The following NUDC variants were observed in gnomAD, a reference collection of about 807,000 sequenced individuals.
The protein encoded by NUDC is nuclear distribution C, dynein complex regulator, also known as nuclear migration protein nudC.
In NUDC, 14 loss-of-function variants were observed where a neutral mutation model predicts 45.0. The ratio of observed to expected loss-of-function variants is 0.31; its 90% CI spans 0.21 to 0.49. NUDC has a LOEUF of 0.49. NUDC is among the 20% of genes least tolerant of loss of function. The pLI is 0.99. For missense variants in NUDC, 323 were observed against 426.2 expected (o/e 0.76, Z 2.13); for synonymous variants, 153 against 156.7 (o/e 0.98, Z 0.17).
intron 2 of NUDC, among the ~76,000 whole-genome samples, chr1:26,937,620 A>G (rs1328520312): frequency 6.6e-6 from 1 of 151,842 alleles, no homozygotes; most frequent in Non-Finnish European, 1.5e-5. Flanking sequence ...TCCTCAGTGC[A>G]CTAGCATTTT....
intron 2 of NUDC, among the ~76,000 whole-genome samples, chr1:26,933,203 G>A (rs1055632059): frequency 6.6e-6 from 1 of 151,662 alleles, no homozygotes; most frequent in African/African-American, 2.4e-5. Context: ...CAAAGAGCTG[G>A]GATTACAGGC....
At chr1:26,900,330 T>A in exon 1 of NUDC, 1 of 1,614,004 alleles carries the variant, frequency 6.2e-7, no homozygotes, top group Non-Finnish European at 8.5e-7. Context: ...GCCGCGCTCT[T>A]CTCGGAACTG....
At chr1:26,929,336 G>T (rs1459344670) in intron 2 of NUDC, among the ~76,000 whole-genome samples, 2 of 151,994 alleles carry the variant, frequency 1.3e-5, no homozygotes, top group Admixed American at 1.3e-4. Context: ...TACTTGGGTG[G>T]CTGAGATGGG....
intron 2 of NUDC, among the ~76,000 whole-genome samples, chr1:26,937,964 A>G (rs1434075240): frequency 6.6e-6 from 1 of 152,192 alleles, no homozygotes; most frequent in Non-Finnish European, 1.5e-5. Context: ...TAGCATTTGA[A>G]TAACAGCTAT....
intron 3 of NUDC, chr1:26,911,589 A>G: frequency 1.9e-6 from 1 of 522,700 alleles, no homozygotes. Context: ...TTTCATTCTC[A>G]TCCCAAGAAG....
intron 2 of NUDC, among the ~76,000 whole-genome samples, chr1:26,907,674 A>G (rs2082008277): frequency 6.6e-6 from 1 of 152,216 alleles, no homozygotes; most frequent in Admixed American, 6.5e-5. Flanking sequence ...TGGCAATAAA[A>G]TGGTACTCTA....
rs1314407487 is a variant in NUDC at position 26,941,609 on chromosome 1, C to G, written c.312C>G (p.Ile104Met). ...EAKSETSGPQIKELTDEEAER... is the reference protein window; with the variant it reads ...EAKSETSGPQMKELTDEEAER... ...AGTCAGAGACCTCAGGGCCCCAGAT[C>G]AAGGAGCTAACTGATGAAGAGGCAG... is the stretch of plus-strand genomic sequence containing the variant. The change falls in exon 3 of 9, where the codon ATC (isoleucine) becomes ATG (methionine). Residue 104 changes from isoleucine (I) to methionine (M), a missense_variant. Ile to Met is a conservative substitution (Grantham distance 10, BLOSUM62 1). Transcript: ENST00000321265. 2.5e-6 allele frequency: 4 copies of G among 1,612,546 alleles called. No individual in the cohort carries two copies. Among genetic ancestry groups the G allele is most frequent in the Non-Finnish European group, 2.5e-6 (3 of 1,179,330 alleles).
chr1:26,938,303 C>G (rs987504962), intron 2 of NUDC, among the ~76,000 whole-genome samples: 1 of 152,140 alleles, frequency 6.6e-6, no homozygotes, highest in Non-Finnish European at 1.5e-5. Context: ...TGCTTAACCT[C>G]CAGGAGCTAG....
Position 26,924,179 on chromosome 1 carries a change from AACC to A in NUDC, c.159+16_159+18del, listed in dbSNP as rs749579107. 1 of 1,612,118 alleles carries A rather than the reference AACC, an allele frequency of 6.2e-7. No homozygotes were observed. Among genetic ancestry groups the A allele is most frequent in the Admixed American group, 1.7e-5 (1 of 60,002 alleles). On this transcript the variant is annotated intron_variant, in intron 2 of 8. Coordinates refer to ENST00000321265, the MANE Select transcript of NUDC (RefSeq NM_006600.4). ...GATGGCAGAGAAGGTAAGTGTTGGA[AACC>A]ACTGTCCTTTGGGCGGCTCTGTCTC...
At chr1:26,926,195 A>G (rs1303894618) in intron 2 of NUDC, among the ~76,000 whole-genome samples, 4 of 152,170 alleles carry the variant, frequency 2.6e-5, no homozygotes, top group African/African-American at 9.7e-5. Context: ...TATCTTTATA[A>G]TAGACATAAA....
At position 26,943,003 on chromosome 1, in the gene NUDC, A is replaced by C; in HGVS notation, c.679A>C (p.Lys227Gln). 1 of 1,614,116 alleles carries C rather than the reference A, an allele frequency of 6.2e-7. No individual in the cohort carries two copies. The highest frequency in any genetic ancestry group is 8.5e-7 in the Non-Finnish European group (1 of 1,180,002). ...TGATGGGGAGCTCTACAATGAAGTGAAGGTGGAGGAGAGCTCGTGGCTCAT... is the reference window on the plus strand; with the variant it reads ...TGATGGGGAGCTCTACAATGAAGTGCAGGTGGAGGAGAGCTCGTGGCTCAT... ...IIDGELYNEV[K>Q]VEESSWLIED... The change falls in exon 6 of 9, where the codon AAG (lysine) becomes CAG (glutamine). Residue 227 changes from lysine (K) to glutamine (Q), a missense_variant. Lys to Gln is a moderately conservative substitution (Grantham distance 53). Around this residue, in one of 3 missense-constraint regions of NUDC, gnomAD observed 245 missense variants for 278.8 expected, o/e 0.88. Coordinates refer to ENST00000321265, the MANE Select transcript of NUDC (RefSeq NM_006600.4).
At position 26,940,888 on chromosome 1, in the gene NUDC, A is replaced by G. The variant is rs576836818; in HGVS notation, c.160-569A>G. Among the ~76,000 whole-genome samples, 225 of 151,826 alleles carry G rather than the reference A, an allele frequency of 1.5e-3. 2 individuals carry two copies. Among genetic ancestry groups the G allele is most frequent in the South Asian group, 0.013 (63 of 4,818 alleles). On this transcript the variant is annotated intron_variant, in intron 2 of 8. Transcript: ENST00000321265. ...TTGTTAGTAGAGACGGGGTTTCACC[A>G]TGTTGGCCAGATTAGTCTCCAATTC...
At chr1:26,913,594 C>T (rs771150341) in intron 3 of NUDC, 10 of 1,614,066 alleles carry the variant, frequency 6.2e-6, no homozygotes, top group Non-Finnish European at 8.5e-6. Flanking sequence ...CTTGAGTATG[C>T]TGGGCACCGG....
rs1451833228 is a variant in NUDC, at chr1:26,941,674, T to G, written c.363+14T>G. On this transcript the variant is annotated intron_variant, in intron 3 of 8. Transcript: ENST00000321265. ...GAGATTGACCAGGTGAAGGGTGGGCTTCCCTTCTCCACCCCTCAGATCCCC... is the reference window on the plus strand; with the variant it reads ...GAGATTGACCAGGTGAAGGGTGGGCGTCCCTTCTCCACCCCTCAGATCCCC... 6.2e-7 allele frequency: 1 copy of G among 1,612,456 alleles called. No individual in the cohort carries two copies. The highest frequency in any genetic ancestry group is 1.7e-5 in the Admixed American group (1 of 59,746).
At chr1:26,944,586 G>C (rs1021762665) in intron 6 of NUDC, among the ~76,000 whole-genome samples, 2 of 152,076 alleles carry the variant, frequency 1.3e-5, no homozygotes, top group Non-Finnish European at 1.5e-5. Context: ...GGCAGATCAC[G>C]AGGTCAGGAG....
At chr1:26,938,693 C>T (rs1035634042) in intron 2 of NUDC, among the ~76,000 whole-genome samples, 2 of 152,114 alleles carry the variant, frequency 1.3e-5, no homozygotes, top group African/African-American at 2.4e-5. Context: ...TCTGGGGGCC[C>T]GTGGGTGACT....
chr1:26,922,131 C>T, intron 1 of NUDC: 2 of 604,964 alleles, frequency 3.3e-6, no homozygotes, highest in Admixed American at 2.9e-5. Context: ...CCCCGGCGCC[C>T]CTCAGTAGTA....
At chr1:26,911,087 C>T (rs1431497089) in intron 2 of NUDC, 1 of 470,310 alleles carries the variant, frequency 2.1e-6, no homozygotes. Flanking sequence ...TGTCCCTTCC[C>T]TTTGGGAAAA....
At chr1:26,930,650 C>T (rs2082175463) in intron 2 of NUDC, among the ~76,000 whole-genome samples, 1 of 149,298 alleles carries the variant, frequency 6.7e-6, no homozygotes, top group Non-Finnish European at 1.5e-5. Context: ...TTTGAGGCTG[C>T]AGTGACCCAT....
Sources: gnomAD v4.1 joint callset for allele counts (sites outside exome capture counted in the v4.1 genomes callset) on GRCh38, gnomAD v4.1.1 for gene constraint, gnomAD v4.1.1 regional missense constraint, MANE v1.5 for transcripts, NCBI Gene and HGNC (gene_info 2026-07-23, HGNC 2026-07-21) for gene names.